Variants in FAXC observed in about 807,000 individuals in gnomAD.
FAXC encodes failed axon connections homolog, metaxin like GST domain containing, also known as failed axon connections homolog.
A neutral mutation model predicts 41.9 loss-of-function variants in FAXC; 10 were observed. The ratio of observed to expected loss-of-function variants is 0.24; its 90% CI spans 0.15 to 0.41. FAXC has a LOEUF of 0.41. Among genes scored for constraint, FAXC ranks in the 10% least tolerant of loss-of-function variants. The pLI is 1.00. For missense variants in FAXC, 399 were observed against 510.9 expected, an observed-to-expected ratio of 0.78 and a Z score of 2.11; for synonymous variants, 183 against 183.8, an observed-to-expected ratio of 1.00 and a Z score of 0.03.
chr6:99,306,076 G>A (rs575568114), intron 4 of FAXC, among the ~76,000 whole-genome samples: 2 of 152,208 alleles, frequency 1.3e-5, no homozygotes, highest in South Asian at 4.2e-4. Flanking sequence ...GGTCAGGGAA[G>A]GCCTCTCTGT....
intron 3 of FAXC, among the ~76,000 whole-genome samples, chr6:99,329,190 T>C (rs192662612): frequency 9.4e-4 from 143 of 152,324 alleles, no homozygotes; most frequent in South Asian, 1.2e-3. Flanking sequence ...TTTCAAGAAG[T>C]TGAAATACTA....
intron 4 of FAXC, among the ~76,000 whole-genome samples, chr6:99,300,221 G>A (rs1771652487): frequency 1.3e-5 from 2 of 152,120 alleles, no homozygotes; most frequent in Admixed American, 1.3e-4. Flanking sequence ...ATCCTCCTCT[G>A]TACTTTGGTC....
chr6:99,338,754 T>C (rs1773309550), intron 2 of FAXC, among the ~76,000 whole-genome samples: 1 of 152,206 alleles, frequency 6.6e-6, no homozygotes, highest in Admixed American at 6.5e-5. Flanking sequence ...CAACGATCTT[T>C]CAAATATGAG....
rs1445329328 is a variant in FAXC, at chr6:99,272,144, ATATG to A, written c.*9016_*9019del. 17 of 41,390 alleles carry A rather than the reference ATATG, an allele frequency of 4.1e-4. No individual in the cohort carries two copies. The highest frequency in any genetic ancestry group is 2.2e-3 in the African/African-American group (17 of 7,790). The allele number at this position is 41,390 out of a possible 1,614,324, so 2.6% of individuals were successfully genotyped here. On this transcript the variant is annotated 3_prime_UTR_variant, in exon 6 of 6. Coordinates refer to ENST00000389677, the MANE Select transcript of FAXC (RefSeq NM_032511.4). ...AGAGGTATGAAAACTAATTGAGACT[ATATG>A]TGTGTGTGTGTGTGTGTGTGTGTGT...
chr6:99,293,003 C>T (rs1169596585), intron 4 of FAXC, among the ~76,000 whole-genome samples: 1 of 152,116 alleles, frequency 6.6e-6, no homozygotes, highest in Non-Finnish European at 1.5e-5. Flanking sequence ...GACAGGGTTT[C>T]GCCATGTTGG....
At chr6:99,302,014 T>C (rs1771730662) in intron 4 of FAXC, among the ~76,000 whole-genome samples, 1 of 152,254 alleles carries the variant, frequency 6.6e-6, no homozygotes. Context: ...CAGATAGCCT[T>C]AGCTGAGTGC....
intron 4 of FAXC, among the ~76,000 whole-genome samples, chr6:99,296,222 A>G (rs1771489808): frequency 6.6e-6 from 1 of 152,184 alleles, no homozygotes; most frequent in Non-Finnish European, 1.5e-5. Flanking sequence ...AGGCCAAGTT[A>G]AAGGCTTCGG....
chr6:99,300,730 C>T (rs1771672690), intron 4 of FAXC, among the ~76,000 whole-genome samples: 1 of 152,230 alleles, frequency 6.6e-6, no homozygotes, highest in Non-Finnish European at 1.5e-5. Context: ...GTCTCATCTG[C>T]CCTGTGCTGG....
At chr6:99,335,943 A>G (rs1387748188) in intron 2 of FAXC, among the ~76,000 whole-genome samples, 1 of 152,236 alleles carries the variant, frequency 6.6e-6, no homozygotes, top group African/African-American at 2.4e-5. Flanking sequence ...GTAAACATAG[A>G]TGAATGAAAA....
At chr6:99,342,518 AT>A (rs1038845317) in intron 2 of FAXC, among the ~76,000 whole-genome samples, 3 of 152,022 alleles carry the variant, frequency 2.0e-5, no homozygotes, top group African/African-American at 7.2e-5. Context: ...CAATTTGTGT[AT>A]TTTTAGTAGA....
At chr6:99,293,068 A>C (rs12193059) in intron 4 of FAXC, among the ~76,000 whole-genome samples, 6,929 of 152,296 alleles carry the variant, frequency 0.045, 190 homozygotes, top group Non-Finnish European at 0.059. Flanking sequence ...TGGCCTCCCA[A>C]AGTGCTGGGA....
chr6:99,318,826 A>G (rs993711153), intron 4 of FAXC, among the ~76,000 whole-genome samples: 7 of 152,132 alleles, frequency 4.6e-5, no homozygotes, highest in Admixed American at 2.6e-4. Flanking sequence ...GATGCCCCAG[A>G]TGTGAACCCG....
chr6:99,299,026 T>C lies in FAXC; in HGVS notation c.824-7206A>G, dbSNP rs971031415. ...TTATACTGAAACAAAATGGTCTCCTTAGAACTTCCACCATGCATCTCAGTT... is the reference window on the plus strand; with the variant it reads ...TTATACTGAAACAAAATGGTCTCCTCAGAACTTCCACCATGCATCTCAGTT... On this transcript the variant is annotated intron_variant, in intron 4 of 5. Transcript: ENST00000389677. 2.0e-5 allele frequency among the ~76,000 whole-genome samples: 3 copies of C among 152,188 alleles called. No homozygotes were observed. The South Asian group carries it at 6.2e-4, about 32-fold the overall frequency.
At chr6:99,316,979 C>G (rs191076438) in intron 4 of FAXC, among the ~76,000 whole-genome samples, 6 of 152,272 alleles carry the variant, frequency 3.9e-5, no homozygotes, top group African/African-American at 1.4e-4. Context: ...CTCTTTATTA[C>G]ATAGTCAAGG....
intron 5 of FAXC, among the ~76,000 whole-genome samples, chr6:99,282,546 T>C (rs189328996): frequency 6.6e-6 from 1 of 152,230 alleles, no homozygotes; most frequent in Non-Finnish European, 1.5e-5. Flanking sequence ...AGAACTCTTG[T>C]GTTAAGTCAC....
chr6:99,336,262 C>T (rs1658123404), intron 2 of FAXC, among the ~76,000 whole-genome samples: 1 of 151,846 alleles, frequency 6.6e-6, no homozygotes, highest in Admixed American at 6.6e-5. Flanking sequence ...TTTTTTCTCC[C>T]TTTAATTTTT....
chr6:99,321,160 G>A (rs6925577), intron 4 of FAXC, among the ~76,000 whole-genome samples: 54,657 of 152,012 alleles, frequency 0.36, 10,882 homozygotes, highest in Middle Eastern at 0.47. Flanking sequence ...TGAGAGAGGG[G>A]AAAATCTCTA....
chr6:99,292,560 A>T (rs1026741534), intron 4 of FAXC, among the ~76,000 whole-genome samples: 1 of 152,220 alleles, frequency 6.6e-6, no homozygotes, highest in Non-Finnish European at 1.5e-5. Flanking sequence ...ACACTACTGC[A>T]TATGGAGGGA....
chr6:99,323,572 C>A lies in FAXC; in HGVS notation c.695G>T (p.Trp232Leu). 1 of 1,614,210 alleles carries A rather than the reference C, an allele frequency of 6.2e-7. No homozygotes were observed. The highest frequency in any genetic ancestry group is 1.3e-5 in the African/African-American group (1 of 75,068). The change falls in exon 4 of 6, where the codon TGG becomes TTG. Residue 232 changes from tryptophan (W) to leucine (L), a missense_variant. Physicochemically the swap from Trp to Leu is moderately conservative, Grantham distance 61 (BLOSUM62 -2). Transcript: ENST00000389677. ...TCCTTTCGTTATGTGGCACACAACC[C>A]ACCTCAGCAGGTTGCTGAAGGGACC... Reference protein sequence around the residue: ...GGGPFSNLLRWVVCHITKGIV... With the variant: ...GGGPFSNLLRLVVCHITKGIV...
Sources: allele counts gnomAD v4.1 joint callset (sites outside exome capture counted in the v4.1 genomes callset), GRCh38; gene constraint gnomAD v4.1.1; transcripts MANE v1.5; gene names NCBI Gene and HGNC (gene_info 2026-07-23, HGNC 2026-07-21).